MOG: variants seen among roughly 807,000 people sequenced by gnomAD.
MOG encodes the protein myelin oligodendrocyte glycoprotein, also known as myelin-oligodendrocyte glycoprotein.
Under a neutral mutation model 35.9 loss-of-function variants are expected in MOG, and 20 were observed. That is an observed-to-expected ratio of 0.56 (90% CI 0.39 to 0.81). The LOEUF (loss-of-function observed/expected upper bound fraction) is 0.81, where lower values mean the gene tolerates loss of function less well. Ranked by LOEUF, MOG falls within the 30% of genes least tolerant of loss-of-function variation. The pLI, the probability that MOG is intolerant of heterozygous loss-of-function variation, is 0.00. For synonymous variants in MOG, 92 were observed against 114.3 expected (o/e 0.80, Z 1.25); for missense variants, 251 against 301.0 (o/e 0.83, Z 1.23).
chr6:29,661,748 G>A (rs747026719), intron 2 of MOG: 166 of 957,164 alleles, frequency 1.7e-4, no homozygotes, highest in South Asian at 2.4e-4. Context: ...CCCCGGAGGC[G>A]GAGGTTGCAG....
chr6:29,666,115 G>A (rs769127895), intron 2 of MOG, 37 bp from the exon 3 acceptor site: 3 of 1,343,530 alleles, frequency 2.2e-6, no homozygotes, highest in Non-Finnish European at 2.1e-6. Context: ...TGGGGATTCA[G>A]CTCTGGACAA....
intron 4 of MOG, 86 bp from the exon 5 acceptor site, chr6:29,667,818 T>A: frequency 6.4e-7 from 1 of 1,572,142 alleles, no homozygotes. Context: ...TAGAACAAGT[T>A]TTAAGTAATT....
chr6:29,665,869 A>G (rs115925819), intron 2 of MOG, among the ~76,000 whole-genome samples: 2,528 of 152,210 alleles, frequency 0.017, 49 homozygotes, highest in African/African-American at 0.04. Flanking sequence ...CCCTTGAGGG[A>G]CTTCAGATGT....
rs1769134026 is a variant in MOG, at chr6:29,662,759, A to T, written c.436+3093A>T. 6.6e-6 allele frequency among the ~76,000 whole-genome samples: 1 copy of T among 152,056 alleles called. No individual in the cohort carries two copies. Among genetic ancestry groups the T allele is most frequent in the Admixed American group, 6.6e-5 (1 of 15,260 alleles). On this transcript the variant is annotated intron_variant, in intron 2 of 7. Coordinates refer to ENST00000376917, the MANE Select transcript of MOG (RefSeq NM_206809.4). This position sits in a 1 kb window ranked among gnomAD's most constrained non-coding sequence, Gnocchi z 4.2. Reference sequence around the variant, plus strand: ...TCACTGCAGCCTCTGCCTCCCGGGCAGAAGCCATCCTCCCACCTCAGCCTA... The same window carrying T: ...TCACTGCAGCCTCTGCCTCCCGGGCTGAAGCCATCCTCCCACCTCAGCCTA...
Position 29,662,739 on chromosome 6 carries a change from G to A in MOG, c.436+3073G>A, listed in dbSNP as rs924068991. 3.3e-5 allele frequency among the ~76,000 whole-genome samples: 5 copies of A among 151,938 alleles called. No homozygotes were observed. Among genetic ancestry groups the A allele is most frequent in the Non-Finnish European group, 7.4e-5 (5 of 67,984 alleles). On this transcript the variant is annotated intron_variant, in intron 2 of 7. Coordinates refer to ENST00000376917, the MANE Select transcript of MOG (RefSeq NM_206809.4). This position sits in a 1 kb window ranked among gnomAD's most constrained non-coding sequence, Gnocchi z 4.2. ...GTGTAGTGGCATATCTCTGCTCACT[G>A]CAGCCTCTGCCTCCCGGGCAGAAGC...
intron 2 of MOG, among the ~76,000 whole-genome samples, chr6:29,664,367 T>G (rs1212387443): frequency 6.6e-6 from 1 of 151,952 alleles, no homozygotes; most frequent in African/African-American, 2.4e-5. Flanking sequence ...CCACCATGTC[T>G]GGCTAATTTT....
At position 29,667,934 on chromosome 6, in the gene MOG, G is replaced by C. The variant is rs375879134; in HGVS notation, c.592+10G>C. On this transcript the variant is annotated intron_variant, in intron 5 of 7. Coordinates refer to ENST00000376917, the MANE Select transcript of MOG (RefSeq NM_206809.4). The stretch of plus-strand genomic sequence containing the variant: ...CTCCACCGGACTTTTGGTAAGTTCC[G>C]GCATGTCTAGGCCCTCCCAGGTCAA... The C allele has an allele frequency of 1.2e-6, 2 of 1,612,930 alleles. No homozygotes were observed. Among genetic ancestry groups the C allele is most frequent in the South Asian group, 2.2e-5 (2 of 91,060 alleles).
chr6:29,667,701 T>G, intron 4 of MOG, 38 bp downstream of exon 4: 1 of 1,613,474 alleles, frequency 6.2e-7, no homozygotes, highest in Non-Finnish European at 8.5e-7. Flanking sequence ...TTCTTGCCTT[T>G]TGGTTTTTTG....
chr6:29,657,215 A>T lies in MOG; in HGVS notation c.6A>T (p.Ala2=), dbSNP rs1306694465. 1 of 1,609,880 alleles carries T rather than the reference A, an allele frequency of 6.2e-7. No individual in the cohort carries two copies. Among genetic ancestry groups the T allele is most frequent in the Non-Finnish European group, 8.5e-7 (1 of 1,177,540 alleles). The change falls in exon 1 of 8, where the codon GCA becomes GCT. Residue 2 remains alanine, a synonymous_variant. Coordinates refer to ENST00000376917, the MANE Select transcript of MOG (RefSeq NM_206809.4). The part of the protein sequence containing the change: M[A]SLSRPSLPSC... Reference sequence around the variant, plus strand: ...TGTCCCCAGGAACAGTAGAGATGGCAAGCTTATCAAGACCCTCTCTGCCCA... The same window carrying T: ...TGTCCCCAGGAACAGTAGAGATGGCTAGCTTATCAAGACCCTCTCTGCCCA...
Position 29,670,887 on chromosome 6 carries a change from A to G in MOG, c.730+166A>G, listed in dbSNP as rs765794616. On this transcript the variant is annotated intron_variant, in intron 7 of 7. Coordinates refer to ENST00000376917, the MANE Select transcript of MOG (RefSeq NM_206809.4). The surrounding 1 kb of genome is among the most constrained non-coding windows in gnomAD (Gnocchi z 4.2). ...ACTCCTCCTGGGAGGTAGAGGGCAA[A>G]GAAGCCAGCTGTTAGAGACACATTT... 2 of 1,593,070 alleles carry G rather than the reference A, an allele frequency of 1.3e-6. No individual in the cohort carries two copies. The highest frequency in any genetic ancestry group is 1.7e-6 in the Non-Finnish European group (2 of 1,169,680).
chr6:29,660,728 CTTTT>C (rs1768493945), intron 2 of MOG, among the ~76,000 whole-genome samples: 1 of 143,480 alleles, frequency 7.0e-6, no homozygotes, highest in Non-Finnish European at 1.5e-5. Context: ...TCCTTTCTTT[CTTTT>C]CTTTTTTTTT....
At chr6:29,659,969 T>C in intron 2 of MOG, 1 of 486,588 alleles carries the variant, frequency 2.1e-6, no homozygotes, top group Non-Finnish European at 3.7e-6. Flanking sequence ...CTAGGCCAGA[T>C]GGTTTGGAGG....
Position 29,666,192 on chromosome 6 carries a change from C to G in MOG, c.477C>G (p.Leu159=), listed in dbSNP as rs187404128. The G allele has an allele frequency of 1.2e-6, 2 of 1,612,894 alleles. No homozygotes were observed. Among genetic ancestry groups the G allele is most frequent in the Admixed American group, 1.7e-5 (1 of 60,012 alleles). The change falls in exon 3 of 8, where the codon CTC becomes CTG. Residue 159 remains leucine, a synonymous_variant. Transcript: ENST00000376917. Reference sequence around the variant, plus strand: ...TGAGCCCTGGAGTGCTGGTTCTCCTCGCGGTGCTGCCTGTGCTCCTCCTGC... The same window carrying G: ...TGAGCCCTGGAGTGCTGGTTCTCCTGGCGGTGCTGCCTGTGCTCCTCCTGC... ...YWVSPGVLVL[L]AVLPVLLLQI...
chr6:29,659,377 G>A lies in MOG; in HGVS notation c.147G>A (p.Val49=). Residue 49 remains valine, a synonymous_variant, in exon 2 of 8, where the codon GTG becomes GTA. Transcript: ENST00000376917. ...TCCGGGCTCTGGTCGGGGATGAAGT[G>A]GAATTGCCATGTCGCATATCTCCTG... ...HPIRALVGDE[V]ELPCRISPGK... 1.2e-6 allele frequency: 2 copies of A among 1,612,996 alleles called. No individual in the cohort carries two copies. Among genetic ancestry groups the A allele is most frequent in the South Asian group, 1.1e-5 (1 of 91,070 alleles).
intron 1 of MOG, among the ~76,000 whole-genome samples, chr6:29,658,599 T>C (rs9257932): frequency 0.03 from 4,641 of 152,240 alleles, 93 homozygotes; most frequent in African/African-American, 0.038. Flanking sequence ...AGGCAGCAAT[T>C]TGGCCAAGTC....
intron 2 of MOG, among the ~76,000 whole-genome samples, chr6:29,663,648 A>C (rs916514774): frequency 6.6e-6 from 1 of 152,150 alleles, no homozygotes; most frequent in Non-Finnish European, 1.5e-5. Flanking sequence ...GTGATACTCT[A>C]TACTTCTTGT....
At chr6:29,661,816 C>CAAA (rs9278231) in intron 2 of MOG, 130 of 873,302 alleles carry the variant, frequency 1.5e-4, no homozygotes, top group South Asian at 5.0e-4. Context: ...AACTCCATCT[C>CAAA]AAAAAAAAAA....
rs1771406285 is a variant in MOG at position 29,671,248 on chromosome 6, A to AC, written c.*64dup. ...GTTGCCCAGGGATTTGTCCTTGGGGACATCTCATCCATCAAGTTGCACACT... is the reference window on the plus strand; with the variant it reads ...GTTGCCCAGGGATTTGTCCTTGGGGACCATCTCATCCATCAAGTTGCACACT... On this transcript the variant is annotated 3_prime_UTR_variant, in exon 8 of 8. Transcript: ENST00000376917. 2 of 1,612,188 alleles carry AC rather than the reference A, an allele frequency of 1.2e-6. No homozygotes were observed. The highest frequency in any genetic ancestry group is 1.7e-5 in the Admixed American group (1 of 59,998).
rs773529135 is a variant in MOG at position 29,666,196 on chromosome 6, G to A, written c.481G>A (p.Val161Met). 1.2e-6 allele frequency: 2 copies of A among 1,612,946 alleles called. No homozygotes were observed. Among genetic ancestry groups the A allele is most frequent in the African/African-American group, 2.7e-5 (2 of 75,032 alleles). Residue 161 changes from valine (V) to methionine (M), a missense_variant, in exon 3 of 8, where the codon GTG becomes ATG. Val to Met is a conservative substitution (Grantham distance 21, BLOSUM62 1). Coordinates refer to ENST00000376917, the MANE Select transcript of MOG (RefSeq NM_206809.4). ...VSPGVLVLLA[V>M]LPVLLLQITV... ...CCCTGGAGTGCTGGTTCTCCTCGCG[G>A]TGCTGCCTGTGCTCCTCCTGCAGAT...
Sources: gnomAD v4.1 joint callset for allele counts (sites outside exome capture counted in the v4.1 genomes callset) on GRCh38, gnomAD v4.1.1 for gene constraint, Gnocchi (gnomAD v3.1) non-coding constraint, MANE v1.5 for transcripts, NCBI Gene and HGNC (gene_info 2026-07-23, HGNC 2026-07-21) for gene names.